The following KCNMA1 variants were observed in gnomAD, a reference collection of about 807,000 sequenced individuals.
KCNMA1 encodes the protein potassium calcium-activated channel subfamily M alpha 1.
A neutral mutation model predicts 140.0 loss-of-function variants in KCNMA1; 29 were observed. The observed-to-expected ratio is 0.21, with a 90% CI of 0.15 to 0.28. The LOEUF is 0.28. KCNMA1 is among the 10% of genes least tolerant of loss of function. KCNMA1 has a pLI of 1.00. For synonymous variants in KCNMA1, 612 were observed against 611.9 expected, an observed-to-expected ratio of 1.00 and a Z score of 0.00; for missense variants, 880 against 1,602.2, an observed-to-expected ratio of 0.55 and a Z score of 7.70.
At chr10:77,064,046 C>T (rs1393536959) in intron 14 of KCNMA1, 11 of 985,232 alleles carry the variant, frequency 1.1e-5, no homozygotes, top group South Asian at 4.7e-5. Context: ...CGCTGGGCAC[C>T]GGACTCTGTG....
intron 26 of KCNMA1, among the ~76,000 whole-genome samples, chr10:76,890,122 G>A (rs1030699496): frequency 6.6e-6 from 1 of 152,220 alleles, no homozygotes; most frequent in African/African-American, 2.4e-5. Context: ...TGGCAAGGGT[G>A]CAAGAGAATG....
intron 15 of KCNMA1, 73 bp downstream of exon 15, chr10:77,039,455 T>C: frequency 1.1e-6 from 1 of 873,232 alleles, no homozygotes; most frequent in South Asian, 1.3e-5. Context: ...CCAGCAGAGG[T>C]GGGAGGCTTC....
At chr10:77,106,951 C>A (rs968112953) in intron 9 of KCNMA1, among the ~76,000 whole-genome samples, 13 of 152,164 alleles carry the variant, frequency 8.5e-5, no homozygotes, top group Non-Finnish European at 1.8e-4. Flanking sequence ...CGCCAACTGG[C>A]CTCCTCTGGC....
intron 10 of KCNMA1, among the ~76,000 whole-genome samples, chr10:77,088,475 A>G (rs1248424898): frequency 6.6e-6 from 1 of 151,772 alleles, no homozygotes; most frequent in Non-Finnish European, 1.5e-5. Context: ...GGAGACAGGG[A>G]CTGGAGTGCA....
rs1565089544 is a variant in KCNMA1 at position 76,944,626 on chromosome 10, C to T, written c.2902+147G>A. The T allele has an allele frequency of 4.2e-6, 3 of 719,208 alleles. No individual in the cohort carries two copies. The East Asian group carries it at 8.1e-5, about 19-fold the overall frequency. 44.6% of individuals were successfully genotyped at this position (719,208 alleles called of 1,614,324 possible). A position where few individuals can be genotyped will look rare whatever the true frequency, so the allele number is the denominator to read the frequency against. Reference sequence around the variant, plus strand: ...GAATGGAAAGAAGAGGCAGCAGATGCCCCTTTGAAAGCCATCATGGTGACC... The same window carrying T: ...GAATGGAAAGAAGAGGCAGCAGATGTCCCTTTGAAAGCCATCATGGTGACC... On this transcript the variant is annotated intron_variant, in intron 23 of 27. Transcript: ENST00000286628.
intron 5 of KCNMA1, among the ~76,000 whole-genome samples, chr10:77,168,379 T>C (rs1284546251): frequency 1.3e-5 from 2 of 152,176 alleles, no homozygotes; most frequent in African/African-American, 4.8e-5. Context: ...TTAGGCAATT[T>C]TGTCATTGAG....
intron 3 of KCNMA1, among the ~76,000 whole-genome samples, chr10:77,238,016 C>G (rs1056788021): frequency 6.6e-6 from 1 of 152,188 alleles, no homozygotes; most frequent in Non-Finnish European, 1.5e-5. Flanking sequence ...CCCACTGCCT[C>G]GCCTTCCCTG....
chr10:77,401,548 C>T (rs56877136), intron 2 of KCNMA1, among the ~76,000 whole-genome samples: 4 of 152,032 alleles, frequency 2.6e-5, no homozygotes, highest in South Asian at 4.1e-4. Context: ...TTTCCCAGAG[C>T]GCCAGGCTCC....
intron 1 of KCNMA1, among the ~76,000 whole-genome samples, chr10:77,454,714 T>C (rs754246678): frequency 1.6e-4 from 25 of 152,208 alleles, no homozygotes; most frequent in Admixed American, 3.3e-4. Context: ...GATTAACAAT[T>C]TAATTTTTAA....
intron 2 of KCNMA1, among the ~76,000 whole-genome samples, chr10:77,327,209 T>G (rs2084531104): frequency 6.6e-6 from 1 of 151,858 alleles, no homozygotes; most frequent in Non-Finnish European, 1.5e-5. Flanking sequence ...TTTTTGCTTC[T>G]GGGTCCACAC....
intron 2 of KCNMA1, among the ~76,000 whole-genome samples, chr10:77,336,168 G>A (rs2088878850): frequency 6.6e-6 from 1 of 152,130 alleles, no homozygotes. Context: ...GTGTTGAAAG[G>A]ACACATGCAG....
chr10:77,284,378 A>G (rs1353226659), intron 2 of KCNMA1, among the ~76,000 whole-genome samples: 1 of 152,190 alleles, frequency 6.6e-6, no homozygotes, highest in Admixed American at 6.5e-5. Flanking sequence ...AATTTAAAGA[A>G]AAAAAATTTA....
chr10:77,637,391 T>C lies in KCNMA1; in HGVS notation c.252A>G (p.Gln84=), dbSNP rs1177320506. 4 of 1,613,876 alleles carry C rather than the reference T, an allele frequency of 2.5e-6. No homozygotes were observed. Among genetic ancestry groups the C allele is most frequent in the Non-Finnish European group, 3.4e-6 (4 of 1,179,932 alleles). The part of the protein sequence containing the change: ...TMEVPCDSRG[Q]RMWWAFLASS... ...AGGCCAGGAAAGCCCACCACATGCGTTGGCCCCGGCTGTCGCACGGCACCT... is the reference window on the plus strand; with the variant it reads ...AGGCCAGGAAAGCCCACCACATGCGCTGGCCCCGGCTGTCGCACGGCACCT... Residue 84 remains glutamine (Q), a synonymous_variant, in exon 1 of 28, where the codon CAA becomes CAG. Transcript: ENST00000286628.
intron 23 of KCNMA1, among the ~76,000 whole-genome samples, chr10:76,944,206 A>G (rs916329084): frequency 6.6e-6 from 1 of 152,206 alleles, no homozygotes; most frequent in East Asian, 1.9e-4. Flanking sequence ...GGGGCAGAGT[A>G]GGAAGGCAGA....
Position 76,885,283 on chromosome 10 carries a change from T to C in KCNMA1, c.*1983A>G, listed in dbSNP as rs1490718637. On this transcript the variant is annotated 3_prime_UTR_variant, in exon 28 of 28. Coordinates refer to ENST00000286628, the MANE Select transcript of KCNMA1 (RefSeq NM_001161352.2). The stretch of plus-strand genomic sequence containing the variant: ...TATAGTTTATATAAAGAGATAGTTA[T>C]ACATAATATAAATCAATATATAGAG... 5 of 653,528 alleles carry C rather than the reference T, an allele frequency of 7.7e-6. No homozygotes were observed. The highest frequency in any genetic ancestry group is 9.5e-6 in the Non-Finnish European group (5 of 528,590). 40.5% of individuals were successfully genotyped at this position (653,528 alleles called of 1,614,324 possible).
chr10:77,629,720 G>A (rs1306049990), intron 1 of KCNMA1, among the ~76,000 whole-genome samples: 1 of 152,166 alleles, frequency 6.6e-6, no homozygotes, highest in Non-Finnish European at 1.5e-5. Flanking sequence ...TCAGAACTGG[G>A]TCTTAATTAT....
intron 20 of KCNMA1, among the ~76,000 whole-genome samples, chr10:76,967,780 C>T (rs1188029419): frequency 2.6e-5 from 4 of 152,096 alleles, no homozygotes; most frequent in East Asian, 1.9e-4. Context: ...ATGAGAAGCC[C>T]GAGTTCTGTA....
At chr10:77,456,675 G>A (rs536792349) in intron 1 of KCNMA1, among the ~76,000 whole-genome samples, 39 of 152,310 alleles carry the variant, frequency 2.6e-4, no homozygotes, top group African/African-American at 8.2e-4. Flanking sequence ...ACTATGTGGC[G>A]CATCTAGACC....
intron 14 of KCNMA1, 114 bp downstream of exon 14, chr10:77,072,983 T>G: frequency 1.0e-6 from 1 of 996,648 alleles, no homozygotes; most frequent in East Asian, 2.4e-5. Context: ...AATTTCTCCT[T>G]AACCCAAGTG....
Sources: gnomAD v4.1 joint callset for allele counts (sites outside exome capture counted in the v4.1 genomes callset) on GRCh38, gnomAD v4.1.1 for gene constraint, MANE v1.5 for transcripts, NCBI Gene and HGNC (gene_info 2026-07-23, HGNC 2026-07-21) for gene names.